The following DOCK1 variants were observed in gnomAD, a reference collection of about 807,000 sequenced individuals.
DOCK1 encodes dedicator of cytokinesis protein 1.
A neutral mutation model predicts 262.7 loss-of-function variants in DOCK1; 138 were observed. The observed-to-expected ratio is 0.53, with a 90% confidence interval of 0.46 to 0.61. The LOEUF (loss-of-function observed/expected upper bound fraction) is 0.61, where lower values mean the gene tolerates loss of function less well. Ranked by LOEUF, DOCK1 falls within the 20% of genes least tolerant of loss-of-function variation. The pLI is 0.00. For missense variants in DOCK1, 1,908 were observed against 2,370.7 expected, an observed-to-expected ratio of 0.80 and a Z score of 4.05; for synonymous variants, 866 against 867.4, an observed-to-expected ratio of 1.00 and a Z score of 0.03.
chr10:126,965,032 C>T (rs1453988276), intron 1 of DOCK1, among the ~76,000 whole-genome samples: 1 of 152,098 alleles, frequency 6.6e-6, no homozygotes, highest in Non-Finnish European at 1.5e-5. Context: ...GTGGGAAATC[C>T]AATGATTAAT....
rs142625665 is a variant in DOCK1 at position 127,078,817 on chromosome 10, G to A, written c.2445+17041G>A. On this transcript the variant is annotated intron_variant, in intron 23 of 51. Coordinates refer to ENST00000623213, the MANE Select transcript of DOCK1 (RefSeq NM_001290223.2). Reference sequence around the variant, plus strand: ...GGAGTTGGAGACCATTATTCTAAGCGAAGTAACTCAGGAATGGAAAACCAA... The same window carrying A: ...GGAGTTGGAGACCATTATTCTAAGCAAAGTAACTCAGGAATGGAAAACCAA... Among the ~76,000 whole-genome samples, 318 of 152,206 alleles carry A rather than the reference G, an allele frequency of 2.1e-3. 2 individuals are homozygous for A. Among genetic ancestry groups the A allele is most frequent in the African/African-American group, 6.4e-3 (265 of 41,536 alleles).
chr10:127,396,987 C>A (rs56265097), intron 38 of DOCK1, among the ~76,000 whole-genome samples: 31 of 70,570 alleles, frequency 4.4e-4, no homozygotes, highest in East Asian at 6.5e-4. Context: ...ATCTGAGCAT[C>A]AGTTACACGG....
At chr10:127,125,420 C>G (rs113697837) in intron 25 of DOCK1, 54 bp from the exon 26 acceptor site, 1 of 1,604,222 alleles carries the variant, frequency 6.2e-7, no homozygotes, top group Non-Finnish European at 8.5e-7. Context: ...ATAGCAAACA[C>G]GAGTTGCGTC....
At chr10:127,422,153 T>TC (rs1277273164) in intron 46 of DOCK1, among the ~76,000 whole-genome samples, 1 of 142,292 alleles carries the variant, frequency 7.0e-6, no homozygotes, top group Non-Finnish European at 1.5e-5. Context: ...TGTTATTTTG[T>TC]TTGTCTTTTT....
chr10:127,378,175 A>G (rs11017698), intron 35 of DOCK1, among the ~76,000 whole-genome samples: 49,211 of 152,090 alleles, frequency 0.32, 8,334 homozygotes, highest in Admixed American at 0.44. Context: ...TACTTTGCAC[A>G]TGCCAGTTAC....
At chr10:127,095,264 T>C (rs1030477825) in intron 23 of DOCK1, among the ~76,000 whole-genome samples, 1 of 152,188 alleles carries the variant, frequency 6.6e-6, no homozygotes, top group Non-Finnish European at 1.5e-5. Context: ...TAGCTAGTCA[T>C]CTGCAAGGCA....
intron 23 of DOCK1, among the ~76,000 whole-genome samples, chr10:127,093,227 C>CTTTCTTTCTTTTCT (rs1591994573): frequency 2.9e-5 from 2 of 67,828 alleles, no homozygotes; most frequent in African/African-American, 5.8e-5. Flanking sequence ...TCTTTTCTTT[C>CTTTCTTTCTTTTCT]TTTCTTTCTT....
At chr10:127,368,091 C>G (rs2065023191) in intron 33 of DOCK1, among the ~76,000 whole-genome samples, 1 of 152,200 alleles carries the variant, frequency 6.6e-6, no homozygotes. Flanking sequence ...TCTGTCTGGC[C>G]AAGCTCCTGC....
chr10:126,953,147 C>T lies in DOCK1; in HGVS notation c.47-17555C>T, dbSNP rs902512149. Among the ~76,000 whole-genome samples, 330 of 146,510 alleles carry T rather than the reference C, an allele frequency of 2.3e-3. 1 individual carries two copies. Among genetic ancestry groups the T allele is most frequent in the African/African-American group, 8.1e-3 (321 of 39,504 alleles). On this transcript the variant is annotated intron_variant, in intron 1 of 51. Transcript: ENST00000623213. Reference sequence around the variant, plus strand: ...TGGTGGAAGTATTGGTAGTAATTTTCGTAGTGTTGGTGGTGGTGGTATTGT... The same window carrying T: ...TGGTGGAAGTATTGGTAGTAATTTTTGTAGTGTTGGTGGTGGTGGTATTGT...
At chr10:127,122,924 A>T (rs1367596993) in intron 25 of DOCK1, among the ~76,000 whole-genome samples, 3 of 152,202 alleles carry the variant, frequency 2.0e-5, no homozygotes, top group African/African-American at 7.2e-5. Flanking sequence ...CTCTGAGAAT[A>T]GCACAGATCA....
chr10:127,261,359 CTG>C (rs1165764951), intron 29 of DOCK1, among the ~76,000 whole-genome samples: 5 of 79,092 alleles, frequency 6.3e-5, no homozygotes, highest in East Asian at 8.0e-4. Flanking sequence ...CCGTGCTCAT[CTG>C]TGTGTGTGCA....
chr10:126,992,874 G>C (rs921250237), intron 6 of DOCK1, among the ~76,000 whole-genome samples: 4 of 151,936 alleles, frequency 2.6e-5, no homozygotes, highest in Non-Finnish European at 5.9e-5. Flanking sequence ...GGCTTCCATG[G>C]ACTTCATCTC....
intron 27 of DOCK1, among the ~76,000 whole-genome samples, chr10:127,193,017 A>G (rs1334354816): frequency 6.6e-6 from 1 of 152,216 alleles, no homozygotes; most frequent in Admixed American, 6.5e-5. Context: ...TTTCATGGTA[A>G]TGAAAGTGTC....
rs146353868 is a variant in DOCK1, at chr10:127,370,329, G to A, written c.3433-3452G>A. Among the ~76,000 whole-genome samples the A allele has an allele frequency of 1.5e-4, 23 of 152,146 alleles. No individual in the cohort carries two copies. In the South Asian group the frequency reaches 2.9e-3, roughly 19 times the overall value. Reference sequence around the variant, plus strand: ...TGTCCATAGATTTCAGATCTCACCCGGCTCTTGATAACCTCGGAGCCCTCC... The same window carrying A: ...TGTCCATAGATTTCAGATCTCACCCAGCTCTTGATAACCTCGGAGCCCTCC... On this transcript the variant is annotated intron_variant, in intron 33 of 51. Transcript: ENST00000623213.
chr10:127,225,860 C>T (rs907472033), intron 27 of DOCK1, among the ~76,000 whole-genome samples: 2 of 151,978 alleles, frequency 1.3e-5, no homozygotes, highest in Admixed American at 6.6e-5. Context: ...AGGTGAATCA[C>T]GAGATCAGGA....
chr10:127,256,052 T>C (rs1478012824), intron 28 of DOCK1, among the ~76,000 whole-genome samples: 1 of 152,178 alleles, frequency 6.6e-6, no homozygotes, highest in Non-Finnish European at 1.5e-5. Context: ...GGACTGACTT[T>C]TCCAACTTGA....
At chr10:127,171,936 C>T (rs1454301451) in intron 27 of DOCK1, among the ~76,000 whole-genome samples, 1 of 152,172 alleles carries the variant, frequency 6.6e-6, no homozygotes, top group African/African-American at 2.4e-5. Flanking sequence ...AACTCCTGAC[C>T]TCAAGTGATC....
chr10:127,164,102 C>T (rs754701367), intron 27 of DOCK1, among the ~76,000 whole-genome samples: 23 of 147,332 alleles, frequency 1.6e-4, no homozygotes, highest in Non-Finnish European at 2.7e-4. Context: ...AGGGGTCAGC[C>T]GGGCTCCCTC....
At chr10:127,213,459 T>G (rs1204969160) in intron 27 of DOCK1, among the ~76,000 whole-genome samples, 2 of 152,224 alleles carry the variant, frequency 1.3e-5, no homozygotes, top group East Asian at 1.9e-4. Flanking sequence ...GAATCATTTT[T>G]GGGGGTGTTT....
Sources: allele counts gnomAD v4.1 joint callset (sites outside exome capture counted in the v4.1 genomes callset), GRCh38; gene constraint gnomAD v4.1.1; transcripts MANE v1.5; gene names NCBI Gene and HGNC (gene_info 2026-07-23, HGNC 2026-07-21).